GATAD2B: variants seen among roughly 807,000 people sequenced by gnomAD.
The protein encoded by GATAD2B is transcriptional repressor p66-beta.
GATAD2B carries 8 observed loss-of-function variants against 64.3 expected under a neutral mutation model. That is an observed-to-expected ratio of 0.12 (90% CI 0.07 to 0.22). GATAD2B has a LOEUF of 0.22. GATAD2B is among the 10% of genes least tolerant of loss of function. GATAD2B has a pLI of 1.00. For missense variants in GATAD2B, 453 were observed against 752.0 expected (o/e 0.60, Z 4.65); for synonymous variants, 281 against 271.3 (o/e 1.04, Z -0.35).
chr1:153,848,884 C>G (rs919678432), intron 1 of GATAD2B, among the ~76,000 whole-genome samples: 1 of 152,056 alleles, frequency 6.6e-6, no homozygotes, highest in African/African-American at 2.4e-5. Flanking sequence ...ACCCGGGAGG[C>G]AGAGGTTGCA....
chr1:153,865,146 G>C (rs1322469193), intron 1 of GATAD2B, among the ~76,000 whole-genome samples: 1 of 150,580 alleles, frequency 6.6e-6, no homozygotes, highest in Non-Finnish European at 1.5e-5. Context: ...CAACAAATAG[G>C]AAAGTCATGA....
chr1:153,875,590 C>T (rs1676798542), intron 1 of GATAD2B, among the ~76,000 whole-genome samples: 1 of 141,880 alleles, frequency 7.0e-6, no homozygotes. Flanking sequence ...GGCTGTGTTT[C>T]AACAAAATTT....
intron 1 of GATAD2B, among the ~76,000 whole-genome samples, chr1:153,831,855 G>A (rs1013719585): frequency 6.6e-6 from 1 of 152,182 alleles, no homozygotes; most frequent in Non-Finnish European, 1.5e-5. Context: ...ACGCCTAGAC[G>A]CAAAAAGTAC....
At position 153,818,116 on chromosome 1, in the gene GATAD2B, C is replaced by T. The variant is rs2101881412; in HGVS notation, c.653G>A (p.Gly218Glu). ...SIVQPSPAHV[G>E]QQGLSKLPSR... ...GGGAAGCTTAGATAGGCCCTGCTGT[C>T]CCACATGGGCAGGAGATGGCTGAAC... Residue 218 changes from glycine (G) to glutamate (E), a missense_variant, in exon 5 of 11, where the codon GGA becomes GAA. Gly to Glu is a moderately conservative substitution (Grantham distance 98). Around this residue, in one of 2 missense-constraint regions of GATAD2B, gnomAD observed 293 missense variants for 417.2 expected, o/e 0.70. Transcript: ENST00000368655. 6.2e-7 allele frequency: 1 copy of T among 1,612,734 alleles called. No homozygotes were observed. Among genetic ancestry groups the T allele is most frequent in the Non-Finnish European group, 8.5e-7 (1 of 1,179,082 alleles).
At chr1:153,920,666 A>C (rs1428130015) in intron 1 of GATAD2B, among the ~76,000 whole-genome samples, 1 of 152,204 alleles carries the variant, frequency 6.6e-6, no homozygotes. Context: ...GTCAACTACA[A>C]ATCACTCTCA....
chr1:153,837,040 T>C (rs947822868), intron 1 of GATAD2B, among the ~76,000 whole-genome samples: 1 of 152,180 alleles, frequency 6.6e-6, no homozygotes, highest in Non-Finnish European at 1.5e-5. Context: ...TCTTTACTAA[T>C]CTATAAACCT....
At chr1:153,905,837 T>C (rs1231247439) in intron 1 of GATAD2B, among the ~76,000 whole-genome samples, 2 of 147,742 alleles carry the variant, frequency 1.4e-5, no homozygotes, top group South Asian at 2.1e-4. Context: ...GAGGCCGAGG[T>C]GGGCAGATCA....
At position 153,808,050 on chromosome 1, in the gene GATAD2B, G is replaced by C. The variant is rs1382731979; in HGVS notation, c.*2127C>G. 6.6e-6 allele frequency: 1 copy of C among 151,854 alleles called. No homozygotes were observed. The highest frequency in any genetic ancestry group is 1.5e-5 in the Non-Finnish European group (1 of 67,952). The allele number at this position is 151,854 out of a possible 1,614,324, so 9.4% of individuals were successfully genotyped here. ...CACAGAGGGCAAAGAAAAGATGTAAGAATATATCTTTATATATATATATAT... is the reference window on the plus strand; with the variant it reads ...CACAGAGGGCAAAGAAAAGATGTAACAATATATCTTTATATATATATATAT... On this transcript the variant is annotated 3_prime_UTR_variant, in exon 11 of 11. Coordinates refer to ENST00000368655, the MANE Select transcript of GATAD2B (RefSeq NM_020699.4).
chr1:153,812,166 G>A, intron 8 of GATAD2B, 34 bp from the exon 9 acceptor site: 2 of 1,130,162 alleles, frequency 1.8e-6, no homozygotes, highest in Non-Finnish European at 2.6e-6. Context: ...TGATTGAGCA[G>A]GACAGCACCC....
At chr1:153,913,297 A>C (rs1278395703) in intron 1 of GATAD2B, among the ~76,000 whole-genome samples, 1 of 152,168 alleles carries the variant, frequency 6.6e-6, no homozygotes, top group Non-Finnish European at 1.5e-5. Flanking sequence ...ACTGGAAAAA[A>C]AATAATCAAA....
intron 1 of GATAD2B, among the ~76,000 whole-genome samples, chr1:153,843,916 G>A (rs570885923): frequency 9.1e-4 from 138 of 151,964 alleles, no homozygotes; most frequent in African/African-American, 3.2e-3. Flanking sequence ...GTGACAAGAA[G>A]CAAATGAAGT....
chr1:153,816,361 T>G lies in GATAD2B; in HGVS notation c.1128A>C (p.Leu376Phe), dbSNP rs138243415. The G allele has an allele frequency of 6.2e-7, 1 of 1,613,678 alleles. No individual in the cohort carries two copies. Among genetic ancestry groups the G allele is most frequent in the African/African-American group, 1.3e-5 (1 of 74,998 alleles). ...EIPPPKPPAP[L>F]LHFLPSAANS... is the part of the protein sequence containing the mutation. ...TGGCTGCACTAGGCAAGAAATGAAG[T>G]AAGGGAGCAGGAGGTTTAGGGGGTG... Residue 376 changes from leucine to phenylalanine, a missense_variant, in exon 7 of 11, where the codon TTA becomes TTC. By Grantham distance (22) the Leu-to-Phe change is conservative. Coordinates refer to ENST00000368655, the MANE Select transcript of GATAD2B (RefSeq NM_020699.4). The surrounding 1 kb of genome is among the most constrained non-coding windows in gnomAD (Gnocchi z 4.9).
At chr1:153,872,452 C>T (rs1676702108) in intron 1 of GATAD2B, among the ~76,000 whole-genome samples, 1 of 151,386 alleles carries the variant, frequency 6.6e-6, no homozygotes, top group Non-Finnish European at 1.5e-5. Context: ...GAGTGGATCT[C>T]TCACCAAATC....
At chr1:153,828,402 T>C in intron 1 of GATAD2B, 54 bp from the exon 2 acceptor site, 1 of 1,366,846 alleles carries the variant, frequency 7.3e-7, no homozygotes, top group East Asian at 2.3e-5. Context: ...AAATAGTCCA[T>C]TTTTAAAAAG....
chr1:153,808,480 A>C lies in GATAD2B; in HGVS notation c.*1697T>G, dbSNP rs917718762. The C allele has an allele frequency of 6.6e-6, 1 of 152,614 alleles. No homozygotes were observed. The highest frequency in any genetic ancestry group is 2.4e-5 in the African/African-American group (1 of 41,430). The allele number at this position is 152,614 out of a possible 1,614,324, so 9.5% of individuals were successfully genotyped here. ...TAATTTTAAAAGTGCCTTCTTTAAA[A>C]AATTACTTAATTTTAAAAAATAAAA... On this transcript the variant is annotated 3_prime_UTR_variant, in exon 11 of 11. Coordinates refer to ENST00000368655, the MANE Select transcript of GATAD2B (RefSeq NM_020699.4).
At chr1:153,892,589 G>A (rs1677450387) in intron 1 of GATAD2B, among the ~76,000 whole-genome samples, 1 of 151,498 alleles carries the variant, frequency 6.6e-6, no homozygotes, top group African/African-American at 2.4e-5. Context: ...ATGCCAATGT[G>A]AAATTCTGGA....
chr1:153,823,145 C>T (rs983008597), intron 2 of GATAD2B, among the ~76,000 whole-genome samples: 39 of 152,090 alleles, frequency 2.6e-4, no homozygotes, highest in Non-Finnish European at 4.7e-4. Flanking sequence ...TTAAACATTC[C>T]AAGAGAGAAA....
In GATAD2B at chr1:153,852,313, A is replaced by G. The variant is rs548286035; in HGVS notation, c.-1-23965T>C. The G allele has an allele frequency of 5.3e-4, 545 of 1,024,876 alleles. 2 individuals carry two copies. Among genetic ancestry groups the G allele is most frequent in the Middle Eastern group, 2.7e-3 (13 of 4,812 alleles). The allele number at this position is 1,024,876 out of a possible 1,614,324, so 63.5% of individuals were successfully genotyped here. ...TTGCTAGAAGTGGAGGCTGTCAGAC[A>G]CTTCCTCAAAGGAGGCAGCATTGCA... On this transcript the variant is annotated intron_variant, in intron 1 of 10. Transcript: ENST00000368655.
intron 1 of GATAD2B, among the ~76,000 whole-genome samples, chr1:153,850,508 G>A (rs1275106592): frequency 6.6e-6 from 1 of 151,948 alleles, no homozygotes. Context: ...CTATGTTGGC[G>A]AGGGTGGTCT....
Sources: gnomAD v4.1 joint callset for allele counts (sites outside exome capture counted in the v4.1 genomes callset) on GRCh38, gnomAD v4.1.1 for gene constraint, gnomAD v4.1.1 regional missense constraint, Gnocchi (gnomAD v3.1) non-coding constraint, MANE v1.5 for transcripts, NCBI Gene and HGNC (gene_info 2026-07-23, HGNC 2026-07-21) for gene names.